Variants in IL1RAPL1 observed in about 807,000 individuals in gnomAD.
The protein encoded by IL1RAPL1 is interleukin 1 receptor accessory protein like 1, also known as interleukin-1 receptor accessory protein-like 1.
IL1RAPL1 carries 3 observed loss-of-function variants against 48.4 expected under a neutral mutation model. That is an observed-to-expected ratio of 0.06 (90% CI 0.03 to 0.16). The LOEUF (loss-of-function observed/expected upper bound fraction) is 0.16, where lower values mean the gene tolerates loss of function less well. Among genes scored for constraint, IL1RAPL1 ranks in the 10% least tolerant of loss-of-function variants. The pLI is 1.00. For missense variants in IL1RAPL1, 349 were observed against 530.6 expected (o/e 0.66, Z 3.36); for synonymous variants, 185 against 187.7 (o/e 0.99, Z 0.12).
At chrX:29,571,079 A>G (rs1252600293) in intron 5 of IL1RAPL1, among the ~76,000 whole-genome samples, 3 of 111,018 alleles carry the variant, frequency 2.7e-5, no homozygotes, top group Non-Finnish European at 3.8e-5. Flanking sequence ...AAAATTAGCC[A>G]GACGTGGTGG....
chrX:28,884,118 A>G (rs1312214213), intron 2 of IL1RAPL1, among the ~76,000 whole-genome samples: 3 of 111,752 alleles, frequency 2.7e-5, no homozygotes, highest in African/African-American at 9.7e-5. Flanking sequence ...TGGCACATGT[A>G]TACATATGTA....
intron 5 of IL1RAPL1, among the ~76,000 whole-genome samples, chrX:29,456,627 T>C (rs1051010501): frequency 1.8e-5 from 2 of 111,219 alleles, no homozygotes; most frequent in African/African-American, 6.5e-5. Context: ...GTGATTCTCA[T>C]GGTCGCCAGA....
chrX:29,433,501 G>C (rs1277572181), intron 5 of IL1RAPL1, among the ~76,000 whole-genome samples: 1 of 110,736 alleles, frequency 9.0e-6, no homozygotes, highest in Non-Finnish European at 1.9e-5. Context: ...GCTGTCTTTA[G>C]AAATAATTTT....
At chrX:29,066,809 A>G (rs1927459810) in intron 2 of IL1RAPL1, among the ~76,000 whole-genome samples, 2 of 112,099 alleles carry the variant, frequency 1.8e-5, no homozygotes, top group African/African-American at 6.5e-5. Flanking sequence ...CTAGAAATTT[A>G]GCCTCTGTAA....
chrX:29,781,787 A>G (rs1370900402), intron 6 of IL1RAPL1, among the ~76,000 whole-genome samples: 1 of 111,758 alleles, frequency 8.9e-6, no homozygotes, highest in Admixed American at 9.5e-5. Context: ...AAACATTTGG[A>G]GACCTCCCAT....
At chrX:29,536,075 A>G (rs899766608) in intron 5 of IL1RAPL1, among the ~76,000 whole-genome samples, 1 of 111,633 alleles carries the variant, frequency 9.0e-6, no homozygotes, top group African/African-American at 3.3e-5. Context: ...TTGATTATGC[A>G]TTGTGCTAAG....
At chrX:29,737,652 T>C (rs909633299) in intron 6 of IL1RAPL1, among the ~76,000 whole-genome samples, 13 of 112,369 alleles carry the variant, frequency 1.2e-4, no homozygotes, top group Non-Finnish European at 2.3e-4. Flanking sequence ...CATTAAAAAA[T>C]GAGTATTTTG....
chrX:29,208,440 G>A (rs181599538), intron 2 of IL1RAPL1, among the ~76,000 whole-genome samples: 24 of 111,264 alleles, frequency 2.2e-4, no homozygotes, highest in Admixed American at 8.7e-4. Flanking sequence ...GGCCGGGCAC[G>A]GTGGCTCACG....
intron 2 of IL1RAPL1, among the ~76,000 whole-genome samples, chrX:29,176,280 T>G (rs1311025782): frequency 9.6e-6 from 1 of 103,783 alleles, no homozygotes; most frequent in African/African-American, 3.5e-5. Context: ...TTTTTTGTAT[T>G]TTTTTAGTAG....
intron 2 of IL1RAPL1, among the ~76,000 whole-genome samples, chrX:29,251,685 A>G (rs533071579): frequency 4.5e-5 from 5 of 111,129 alleles, no homozygotes; most frequent in Non-Finnish European, 7.5e-5. Flanking sequence ...AGTTGCAAAA[A>G]CCTGAAGTAA....
chrX:29,312,122 A>G (rs1932734196), intron 3 of IL1RAPL1, among the ~76,000 whole-genome samples: 1 of 111,335 alleles, frequency 9.0e-6, no homozygotes, highest in African/African-American at 3.3e-5. Flanking sequence ...AGAATGGAGG[A>G]CAAGTAGGAC....
At chrX:29,786,935 C>T (rs1048402304) in intron 6 of IL1RAPL1, among the ~76,000 whole-genome samples, 3 of 111,116 alleles carry the variant, frequency 2.7e-5, no homozygotes, top group Non-Finnish European at 5.7e-5. Context: ...AGGCAGGGAT[C>T]GGGTGAAGAG....
intron 2 of IL1RAPL1, among the ~76,000 whole-genome samples, chrX:29,205,762 TCTCA>T (rs1233312311): frequency 9.1e-6 from 1 of 109,552 alleles, no homozygotes; most frequent in African/African-American, 3.3e-5. Context: ...TGAGATGGAG[TCTCA>T]CTCTGTCGCC....
intron 9 of IL1RAPL1, among the ~76,000 whole-genome samples, chrX:29,949,326 CAATTT>C (rs1933272475): frequency 8.9e-6 from 1 of 112,054 alleles, no homozygotes; most frequent in Non-Finnish European, 1.9e-5. Context: ...TTAGTTAATT[CAATTT>C]AAGAAGAAAT....
intron 2 of IL1RAPL1, among the ~76,000 whole-genome samples, chrX:29,084,251 A>C (rs1468420932): frequency 8.9e-6 from 1 of 112,485 alleles, no homozygotes; most frequent in Non-Finnish European, 1.9e-5. Context: ...GTCTTATTAG[A>C]TTATTCATTA....
intron 2 of IL1RAPL1, among the ~76,000 whole-genome samples, chrX:28,862,923 C>T (rs1273642096): frequency 1.8e-5 from 2 of 109,798 alleles, no homozygotes; most frequent in African/African-American, 3.3e-5. Flanking sequence ...CTCTGTTGCC[C>T]AGTCTGGAGT....
At chrX:29,011,513 C>T (rs1185568476) in intron 2 of IL1RAPL1, among the ~76,000 whole-genome samples, 1 of 112,257 alleles carries the variant, frequency 8.9e-6, no homozygotes, top group Admixed American at 9.5e-5. Context: ...AGAAGCCAAA[C>T]CAAAAGAGAA....
chrX:29,803,064 T>TATGC (rs1259740875), intron 6 of IL1RAPL1, among the ~76,000 whole-genome samples: 2 of 86,228 alleles, frequency 2.3e-5, no homozygotes, highest in African/African-American at 8.8e-5. Flanking sequence ...CATATATATG[T>TATGC]ATGCATGTAT....
intron 1 of IL1RAPL1, among the ~76,000 whole-genome samples, chrX:28,657,977 G>A (rs1209385883): frequency 8.9e-6 from 1 of 111,946 alleles, no homozygotes; most frequent in African/African-American, 3.3e-5. Flanking sequence ...TATATTAGGC[G>A]GTAGTGTATT....
Sources: allele counts gnomAD v4.1 joint callset (sites outside exome capture counted in the v4.1 genomes callset), GRCh38; gene constraint gnomAD v4.1.1; transcripts MANE v1.5; gene names NCBI Gene and HGNC (gene_info 2026-07-23, HGNC 2026-07-21).